CACNG2: variants seen among roughly 807,000 people sequenced by gnomAD.
CACNG2 encodes calcium voltage-gated channel auxiliary subunit gamma 2, also known as voltage-dependent calcium channel gamma-2 subunit.
Under a neutral mutation model 25.9 loss-of-function variants are expected in CACNG2, and 3 were observed. That is an observed-to-expected ratio of 0.12 (90% CI 0.05 to 0.30). The LOEUF is 0.30. Among genes scored for constraint, CACNG2 ranks in the 10% least tolerant of loss-of-function variants. CACNG2 has a pLI of 1.00. For synonymous variants in CACNG2, 167 were observed against 173.3 expected (o/e 0.96, Z 0.29); for missense variants, 341 against 432.5 (o/e 0.79, Z 1.88).
chr22:36,689,666 T>G (rs896732166), intron 1 of CACNG2, among the ~76,000 whole-genome samples: 2 of 152,258 alleles, frequency 1.3e-5, no homozygotes, highest in Non-Finnish European at 2.9e-5. Context: ...AAGGTAGAAA[T>G]GAGAAGTAGT....
intron 1 of CACNG2, among the ~76,000 whole-genome samples, chr22:36,643,150 C>A (rs1411826809): frequency 6.7e-6 from 1 of 148,810 alleles, no homozygotes; most frequent in Non-Finnish European, 1.5e-5. Flanking sequence ...CTCCTTCTTT[C>A]CTTTTTCCTT....
chr22:36,649,372 A>T (rs2145973656), intron 1 of CACNG2, among the ~76,000 whole-genome samples: 1 of 146,822 alleles, frequency 6.8e-6, no homozygotes, highest in African/African-American at 2.5e-5. Context: ...GCTCACTGCA[A>T]CCTCCACCTC....
chr22:36,604,883 T>C (rs941094341), intron 1 of CACNG2, among the ~76,000 whole-genome samples: 2 of 152,110 alleles, frequency 1.3e-5, no homozygotes, highest in Non-Finnish European at 2.9e-5. Context: ...ACTTAAGCAA[T>C]CCTCCCACCT....
intron 1 of CACNG2, among the ~76,000 whole-genome samples, chr22:36,632,043 G>A (rs79384264): frequency 0.025 from 3,780 of 152,176 alleles, 148 homozygotes; most frequent in African/African-American, 0.085. Context: ...TGAAGAACAC[G>A]CCACACTGTG....
intron 1 of CACNG2, among the ~76,000 whole-genome samples, chr22:36,696,961 A>G (rs915948450): frequency 2.6e-5 from 4 of 152,216 alleles, no homozygotes; most frequent in Non-Finnish European, 4.4e-5. Context: ...TGTGGCATCA[A>G]TTCTTTCAAC....
chr22:36,633,194 A>G (rs377222304), intron 1 of CACNG2, among the ~76,000 whole-genome samples: 1 of 151,842 alleles, frequency 6.6e-6, no homozygotes, highest in African/African-American at 2.4e-5. Context: ...ATCAACACCT[A>G]ACTCATTTTA....
intron 1 of CACNG2, among the ~76,000 whole-genome samples, chr22:36,700,195 G>A (rs1601463320): frequency 1.3e-5 from 2 of 152,380 alleles, no homozygotes; most frequent in Admixed American, 1.3e-4. Flanking sequence ...AGACAACTCA[G>A]GGAGAGAGGG....
At chr22:36,672,470 C>T (rs1002815779) in intron 1 of CACNG2, among the ~76,000 whole-genome samples, 1 of 152,078 alleles carries the variant, frequency 6.6e-6, no homozygotes, top group African/African-American at 2.4e-5. Context: ...TAGGGAAGGC[C>T]AAGAGCAAGA....
chr22:36,702,282 G>A, intron 1 of CACNG2, 84 bp downstream of exon 1: 1 of 813,934 alleles, frequency 1.2e-6, no homozygotes, highest in Non-Finnish European at 2.0e-6. Context: ...ATGTAAAGGG[G>A]ACTTATTTGG....
At chr22:36,581,138 C>T (rs1027270578) in intron 2 of CACNG2, among the ~76,000 whole-genome samples, 5 of 152,170 alleles carry the variant, frequency 3.3e-5, no homozygotes, top group South Asian at 2.1e-4. Context: ...CAGACACATT[C>T]GATGGGCCCA....
intron 1 of CACNG2, among the ~76,000 whole-genome samples, chr22:36,666,803 G>A (rs62228792): frequency 0.069 from 10,492 of 152,030 alleles, 521 homozygotes; most frequent in Middle Eastern, 0.16. Flanking sequence ...GGCATTCAAG[G>A]TCTCTGTGGC....
chr22:36,651,193 T>C (rs1003752827), intron 1 of CACNG2, among the ~76,000 whole-genome samples: 14 of 151,588 alleles, frequency 9.2e-5, no homozygotes, highest in Non-Finnish European at 2.1e-4. Context: ...TGTGTTGCTA[T>C]CTTGAAATTC....
intron 1 of CACNG2, among the ~76,000 whole-genome samples, chr22:36,642,613 C>A (rs1423176609): frequency 6.6e-6 from 1 of 152,196 alleles, no homozygotes; most frequent in Non-Finnish European, 1.5e-5. Context: ...ACTGAGATTT[C>A]GAGATTGGTT....
At chr22:36,693,891 T>A (rs906299905) in intron 1 of CACNG2, among the ~76,000 whole-genome samples, 6 of 152,242 alleles carry the variant, frequency 3.9e-5, no homozygotes, top group Non-Finnish European at 7.3e-5. Context: ...GTTATCATTG[T>A]CTGTTCACTG....
rs1236203662 is a variant in CACNG2, at chr22:36,617,144, G to A, written c.212-29596C>T. Among the ~76,000 whole-genome samples, 4 of 152,312 alleles carry A rather than the reference G, an allele frequency of 2.6e-5. No individual in the cohort carries two copies. In the Middle Eastern group the frequency reaches 0.01, roughly 389 times the overall value. ...ACATGACTAGGAACTTGCTAGACCA[G>A]GTCATGGGGGTGGGGAGATTGGTAT... On this transcript the variant is annotated intron_variant, in intron 1 of 3. Coordinates refer to ENST00000300105, the MANE Select transcript of CACNG2 (RefSeq NM_006078.5).
chr22:36,662,710 C>T lies in CACNG2; in HGVS notation c.211+39656G>A, dbSNP rs539155535. Among the ~76,000 whole-genome samples, 84 of 152,296 alleles carry T rather than the reference C, an allele frequency of 5.5e-4. 1 individual carries two copies. The highest frequency in any genetic ancestry group is 3.1e-3 in the South Asian group (15 of 4,824). Reference sequence around the variant, plus strand: ...AGTGTGTTCACCTACATAATAATCGCGGAGTAAACTGACTCCACATTTTCT... The same window carrying T: ...AGTGTGTTCACCTACATAATAATCGTGGAGTAAACTGACTCCACATTTTCT... On this transcript the variant is annotated intron_variant, in intron 1 of 3. Transcript: ENST00000300105.
intron 2 of CACNG2, among the ~76,000 whole-genome samples, chr22:36,579,528 A>G (rs1406833470): frequency 6.6e-6 from 1 of 151,436 alleles, no homozygotes; most frequent in Non-Finnish European, 1.5e-5. Context: ...GCCTGGAGAT[A>G]GCTGTGGTCT....
rs1018310502 is a variant in CACNG2, at chr22:36,563,273, G to T, written c.*1078C>A. On this transcript the variant is annotated 3_prime_UTR_variant, in exon 4 of 4. Coordinates refer to ENST00000300105, the MANE Select transcript of CACNG2 (RefSeq NM_006078.5). ...AATGAACCCCCTTCCCAGGGGACTG[G>T]GGGGCTTATGAGTCAGGGGGTCCAC... 2.6e-5 allele frequency among the ~76,000 whole-genome samples: 4 copies of T among 152,104 alleles called. No individual in the cohort carries two copies. Among genetic ancestry groups the T allele is most frequent in the African/African-American group, 7.2e-5 (3 of 41,402 alleles).
intron 1 of CACNG2, among the ~76,000 whole-genome samples, chr22:36,598,448 T>A (rs1190706512): frequency 6.6e-6 from 1 of 150,408 alleles, no homozygotes; most frequent in Non-Finnish European, 1.5e-5. Flanking sequence ...TGAAACCCTG[T>A]CTCTACTAAA....
Sources: gnomAD v4.1 joint callset for allele counts (sites outside exome capture counted in the v4.1 genomes callset) on GRCh38, gnomAD v4.1.1 for gene constraint, MANE v1.5 for transcripts, NCBI Gene and HGNC (gene_info 2026-07-23, HGNC 2026-07-21) for gene names.